NMT2: variants seen among roughly 807,000 people sequenced by gnomAD.
The protein encoded by NMT2 is N-myristoyltransferase 2, also known as glycylpeptide N-tetradecanoyltransferase 2.
Under a neutral mutation model 65.4 loss-of-function variants are expected in NMT2, and 35 were observed. That is an observed-to-expected ratio of 0.54 (90% CI 0.41 to 0.71). The LOEUF (loss-of-function observed/expected upper bound fraction) is 0.71, where lower values mean the gene tolerates loss of function less well. NMT2 is among the 30% of genes least tolerant of loss of function. The pLI is 0.00. For missense variants in NMT2, 489 were observed against 611.3 expected (o/e 0.80, Z 2.11); for synonymous variants, 226 against 231.8 (o/e 0.98, Z 0.23).
At chr10:15,141,008 T>A (rs781231670) in intron 2 of NMT2, 52 of 1,550,862 alleles carry the variant, frequency 3.4e-5, no homozygotes, top group Non-Finnish European at 4.4e-5. Flanking sequence ...CCCGCTGAAA[T>A]CTGCTGCCAG....
chr10:15,112,671 C>A, intron 10 of NMT2, 125 bp downstream of exon 10: 1 of 894,080 alleles, frequency 1.1e-6, no homozygotes, highest in African/African-American at 1.7e-5. Context: ...GACTGATGAT[C>A]AATAGTTTTT....
At chr10:15,144,229 C>A (rs1053791133) in intron 1 of NMT2, among the ~76,000 whole-genome samples, 1 of 152,124 alleles carries the variant, frequency 6.6e-6, no homozygotes, top group East Asian at 1.9e-4. Context: ...CAGGGAGCTA[C>A]AGAAATGGGC....
intron 8 of NMT2, among the ~76,000 whole-genome samples, chr10:15,123,220 A>C (rs1845978396): frequency 6.6e-6 from 1 of 152,208 alleles, no homozygotes; most frequent in Non-Finnish European, 1.5e-5. Context: ...GAATATTTAC[A>C]TTTGCTGACT....
At chr10:15,112,172 CTT>C (rs1564557012) in intron 10 of NMT2, among the ~76,000 whole-genome samples, 6 of 50,000 alleles carry the variant, frequency 1.2e-4, no homozygotes, top group African/African-American at 1.5e-4. Flanking sequence ...AAGATATGGG[CTT>C]TATATATATA....
intron 1 of NMT2, among the ~76,000 whole-genome samples, chr10:15,160,480 A>G (rs1833150439): frequency 6.6e-6 from 1 of 152,180 alleles, no homozygotes; most frequent in Non-Finnish European, 1.5e-5. Context: ...TTGTTTAGAT[A>G]GTAAAGGAAA....
chr10:15,161,955 T>A lies in NMT2; in HGVS notation c.110+6548A>T, dbSNP rs546664762. On this transcript the variant is annotated intron_variant, in intron 1 of 11. Transcript: ENST00000378165. ...AGAAATATAGATGAAAACATACTTG[T>A]TCAAAATGTACAGATCGCCGGGCAC... 1.8e-4 allele frequency among the ~76,000 whole-genome samples: 28 copies of A among 152,246 alleles called. 1 individual carries two copies. The South Asian group carries it at 5.8e-3, about 32-fold the overall frequency.
chr10:15,120,670 T>C (rs1043895901), intron 8 of NMT2, among the ~76,000 whole-genome samples: 4 of 152,188 alleles, frequency 2.6e-5, no homozygotes, highest in African/African-American at 9.6e-5. Context: ...TATTATGCAA[T>C]AGCCCATTAA....
At position 15,143,582 on chromosome 10, in the gene NMT2, C is replaced by A. The variant is rs560248684; in HGVS notation, c.111-2025G>T. On this transcript the variant is annotated intron_variant, in intron 1 of 11. Transcript: ENST00000378165. ...TCAGTTAGTAATTTGCTCAGCCAGG[C>A]ATGGTGGCTCACGCCTATAATCCCA... Among the ~76,000 whole-genome samples the A allele has an allele frequency of 3.9e-5, 6 of 152,344 alleles. No individual in the cohort carries two copies. The South Asian group carries it at 1.0e-3, about 26-fold the overall frequency.
chr10:15,140,649 C>T, intron 2 of NMT2, among the ~76,000 whole-genome samples: 1 of 152,142 alleles, frequency 6.6e-6, no homozygotes, highest in East Asian at 1.9e-4. Context: ...TCCCAAAGTG[C>T]TGGGACTACA....
chr10:15,125,272 C>T (rs189792718), intron 8 of NMT2, among the ~76,000 whole-genome samples: 2 of 152,156 alleles, frequency 1.3e-5, no homozygotes, highest in East Asian at 1.9e-4. Flanking sequence ...TATCACAGCA[C>T]GACTGGAACA....
Position 15,135,366 on chromosome 10 carries a change from A to T in NMT2, c.299T>A (p.Leu100Gln). ...GGCTGGGCCCTGGCATGCGGATAGC[A>T]GCTCCATTGCTCTCTGGATATCCTG... is the stretch of plus-strand genomic sequence containing the variant. Reference protein sequence around the residue: ...KLQDIQRAMELLSACQGPARN... With the variant: ...KLQDIQRAMEQLSACQGPARN... Residue 100 changes from leucine (L) to glutamine (Q), a missense_variant, in exon 3 of 12, where the codon CTG becomes CAG. Leu to Gln is a moderately radical substitution (Grantham distance 113). Transcript: ENST00000378165. The T allele has an allele frequency of 6.2e-7, 1 of 1,614,180 alleles. No homozygotes were observed. The highest frequency in any genetic ancestry group is 8.5e-7 in the Non-Finnish European group (1 of 1,180,006).
At chr10:15,128,993 G>A (rs914394552) in intron 7 of NMT2, among the ~76,000 whole-genome samples, 1 of 152,154 alleles carries the variant, frequency 6.6e-6, no homozygotes, top group Non-Finnish European at 1.5e-5. Context: ...GGGCAACAGA[G>A]CAAGACCGTC....
intron 1 of NMT2, among the ~76,000 whole-genome samples, chr10:15,161,437 C>T (rs1413768349): frequency 2.0e-5 from 3 of 152,140 alleles, no homozygotes; most frequent in Non-Finnish European, 2.9e-5. Flanking sequence ...CTGCAACCTC[C>T]ACCTCCTGGG....
chr10:15,155,020 G>T (rs748999854), intron 1 of NMT2: 2 of 1,198,422 alleles, frequency 1.7e-6, no homozygotes, highest in Non-Finnish European at 2.5e-6. Context: ...GGACCTGTAT[G>T]CTTCATGGAC....
rs755094567 is a variant in NMT2, at chr10:15,168,655, G to T, written c.-43C>A. 4 of 1,491,242 alleles carry T rather than the reference G, an allele frequency of 2.7e-6. No homozygotes were observed. Among genetic ancestry groups the T allele is most frequent in the Non-Finnish European group, 3.6e-6 (4 of 1,106,210 alleles). 92.4% of individuals were successfully genotyped at this position (1,491,242 alleles called of 1,614,324 possible). ...GGGAGGCGGTGCTCGGGGCCGGGCC[G>T]GAGCGGCCGCAGCTCCCTCTAGTGC... On this transcript the variant is annotated 5_prime_UTR_variant, in exon 1 of 12. Transcript: ENST00000378165.
At chr10:15,152,039 A>G (rs1257097781) in intron 1 of NMT2, among the ~76,000 whole-genome samples, 1 of 152,210 alleles carries the variant, frequency 6.6e-6, no homozygotes, top group Admixed American at 6.5e-5. Context: ...AACAAAAACA[A>G]AACAAAACAG....
At chr10:15,128,526 A>G in intron 7 of NMT2, 68 bp from the exon 8 acceptor site, 1 of 992,680 alleles carries the variant, frequency 1.0e-6, no homozygotes, top group East Asian at 2.4e-5. Flanking sequence ...TCTTTGTCTC[A>G]GCTTGGCTGT....
At chr10:15,168,387 T>C (rs1435242486) in intron 1 of NMT2, 116 bp downstream of exon 1, 4 of 583,882 alleles carry the variant, frequency 6.9e-6, no homozygotes, top group African/African-American at 4.1e-5. Flanking sequence ...GGAGAAGCCA[T>C]CGCGGGGCGG....
At chr10:15,153,809 C>T (rs1272927824) in intron 1 of NMT2, among the ~76,000 whole-genome samples, 1 of 151,284 alleles carries the variant, frequency 6.6e-6, no homozygotes, top group Non-Finnish European at 1.5e-5. Flanking sequence ...GCCACCACGC[C>T]CGGCTAATTT....
Sources: gnomAD v4.1 joint callset for allele counts (sites outside exome capture counted in the v4.1 genomes callset) on GRCh38, gnomAD v4.1.1 for gene constraint, MANE v1.5 for transcripts, NCBI Gene and HGNC (gene_info 2026-07-23, HGNC 2026-07-21) for gene names.